FHIT: variants seen among roughly 807,000 people sequenced by gnomAD.
The protein encoded by FHIT is bis(5'-adenosyl)-triphosphatase.
In FHIT, 19 loss-of-function variants were observed where a neutral mutation model predicts 17.9. The observed-to-expected ratio is 1.06, with a 90% confidence interval of 0.74 to 1.56. The LOEUF is 1.56. Among genes scored for constraint, FHIT ranks in the 40% most tolerant of loss-of-function variants. The pLI is 0.00. For missense variants in FHIT, 248 were observed against 189.2 expected (o/e 1.31, Z -1.82); for synonymous variants, 81 against 69.7 (o/e 1.16, Z -0.81).
At chr3:59,912,401 A>G (rs1704922805) in intron 8 of FHIT, among the ~76,000 whole-genome samples, 1 of 152,232 alleles carries the variant, frequency 6.6e-6, no homozygotes, top group Non-Finnish European at 1.5e-5. Context: ...ATTCAGCCTC[A>G]GTCTTCAATA....
rs188410489 is a variant in FHIT, at chr3:60,859,784, C to A, written c.-110-37773G>T. ...TTTTGCCGAGCACGGTGGCTCATGC[C>A]TGTAATCCCAGCCCTTTGGGAAGCT... On this transcript the variant is annotated intron_variant, in intron 3 of 9. Coordinates refer to ENST00000492590, the MANE Select transcript of FHIT (RefSeq NM_002012.4). Among the ~76,000 whole-genome samples, 982 of 120,008 alleles carry A rather than the reference C, an allele frequency of 8.2e-3. 14 individuals carry two copies. The highest frequency in any genetic ancestry group is 0.03 in the African/African-American group (895 of 29,730). The allele number at this position is 120,008 out of a possible 152,430, so 78.7% of individuals were successfully genotyped here.
intron 4 of FHIT, among the ~76,000 whole-genome samples, chr3:60,789,557 G>A (rs554117238): frequency 7.2e-5 from 11 of 152,130 alleles, no homozygotes; most frequent in African/African-American, 2.6e-4. Flanking sequence ...AACCTGCCCC[G>A]TTTGCTTTCC....
intron 3 of FHIT, among the ~76,000 whole-genome samples, chr3:60,841,694 G>A (rs782642305): frequency 6.6e-6 from 1 of 152,152 alleles, no homozygotes; most frequent in Non-Finnish European, 1.5e-5. Context: ...GCAAATGAAG[G>A]ATTTAAAATT....
intron 8 of FHIT, among the ~76,000 whole-genome samples, chr3:59,890,788 T>C (rs1482302381): frequency 6.6e-6 from 1 of 152,206 alleles, no homozygotes; most frequent in African/African-American, 2.4e-5. Context: ...TCACGTACAA[T>C]GCTAAGGTCA....
At chr3:60,000,473 T>G (rs1318202498) in intron 7 of FHIT, among the ~76,000 whole-genome samples, 1 of 152,192 alleles carries the variant, frequency 6.6e-6, no homozygotes, top group African/African-American at 2.4e-5. Flanking sequence ...CCTAAAATGT[T>G]TACTATCTGG....
intron 3 of FHIT, among the ~76,000 whole-genome samples, chr3:60,954,045 T>C (rs1252678621): frequency 2.0e-5 from 3 of 152,226 alleles, no homozygotes; most frequent in Non-Finnish European, 4.4e-5. Flanking sequence ...AATCTGCTCC[T>C]GCAGAGTCCA....
intron 2 of FHIT, among the ~76,000 whole-genome samples, chr3:61,121,043 G>C (rs920327945): frequency 5.9e-5 from 9 of 151,890 alleles, no homozygotes; most frequent in South Asian, 4.2e-4. Flanking sequence ...CAAGATTAGA[G>C]AAAAAAGAAT....
chr3:60,068,926 C>T (rs956482969), intron 5 of FHIT, among the ~76,000 whole-genome samples: 1 of 152,128 alleles, frequency 6.6e-6, no homozygotes, highest in African/African-American at 2.4e-5. Flanking sequence ...TATTGTAAGA[C>T]TGTTTCTCTA....
At chr3:60,376,669 C>T (rs2107088231) in intron 5 of FHIT, among the ~76,000 whole-genome samples, 1 of 152,256 alleles carries the variant, frequency 6.6e-6, no homozygotes, top group South Asian at 2.1e-4. Flanking sequence ...GCTGTCCTTT[C>T]CTGGTTTAAA....
chr3:61,217,146 A>C (rs940765247), intron 1 of FHIT, among the ~76,000 whole-genome samples: 1 of 152,190 alleles, frequency 6.6e-6, no homozygotes, highest in Non-Finnish European at 1.5e-5. Flanking sequence ...AAGTATAATA[A>C]TAATAAAATA....
intron 5 of FHIT, among the ~76,000 whole-genome samples, chr3:60,077,170 A>G (rs1703045745): frequency 6.6e-6 from 1 of 152,108 alleles, no homozygotes; most frequent in Admixed American, 6.6e-5. Context: ...AGGCAGAAAG[A>G]GAGCAGCCTA....
intron 5 of FHIT, chr3:60,536,582 GA>G: frequency 3.0e-6 from 1 of 330,660 alleles, no homozygotes; most frequent in Non-Finnish European, 5.5e-6. Context: ...CTATGGTAGT[GA>G]AAAGGTCAAG....
At chr3:60,981,295 C>CTTTTTTTTTT (rs71100934) in intron 3 of FHIT, among the ~76,000 whole-genome samples, 3 of 124,498 alleles carry the variant, frequency 2.4e-5, no homozygotes, top group Non-Finnish European at 3.3e-5. Flanking sequence ...TTCTTCCTTC[C>CTTTTTTTTTT]TTTTTTTTTT....
chr3:60,057,271 A>C (rs1222778665), intron 5 of FHIT, among the ~76,000 whole-genome samples: 1 of 152,188 alleles, frequency 6.6e-6, no homozygotes, highest in Non-Finnish European at 1.5e-5. Flanking sequence ...GAGTTAAATG[A>C]AATCCCAAAA....
chr3:61,013,194 C>T (rs1245063268), intron 3 of FHIT, among the ~76,000 whole-genome samples: 1 of 152,138 alleles, frequency 6.6e-6, no homozygotes, highest in Non-Finnish European at 1.5e-5. Context: ...AAGGAGCTTT[C>T]TGCTTTGTTT....
chr3:59,880,026 C>T (rs372158518), intron 8 of FHIT, among the ~76,000 whole-genome samples: 8 of 146,482 alleles, frequency 5.5e-5, no homozygotes, highest in African/African-American at 1.7e-4. Context: ...AAAGACAGAA[C>T]ACAAGATAGA....
At chr3:60,250,003 C>A (rs970204592) in intron 5 of FHIT, among the ~76,000 whole-genome samples, 6 of 152,060 alleles carry the variant, frequency 3.9e-5, no homozygotes, top group Admixed American at 6.5e-5. Flanking sequence ...GGGGAAACTG[C>A]CCCCACGATT....
intron 3 of FHIT, among the ~76,000 whole-genome samples, chr3:60,938,176 C>T (rs782697382): frequency 1.3e-5 from 2 of 152,148 alleles, no homozygotes; most frequent in Non-Finnish European, 2.9e-5. Flanking sequence ...GAAGCAAGGG[C>T]TGAAGACAGA....
chr3:60,510,991 A>G (rs2034931160), intron 5 of FHIT, among the ~76,000 whole-genome samples: 1 of 152,176 alleles, frequency 6.6e-6, no homozygotes, highest in Non-Finnish European at 1.5e-5. Context: ...AAGTGTTCTG[A>G]TGATGGGGGA....
Sources: allele counts gnomAD v4.1 joint callset (sites outside exome capture counted in the v4.1 genomes callset), GRCh38; gene constraint gnomAD v4.1.1; transcripts MANE v1.5; gene names NCBI Gene and HGNC (gene_info 2026-07-23, HGNC 2026-07-21).